THBS4: variants seen among roughly 807,000 people sequenced by gnomAD.
THBS4 encodes thrombospondin 4, also known as thrombospondin-4.
THBS4 carries 90 observed loss-of-function variants against 115.7 expected under a neutral mutation model. The ratio of observed to expected loss-of-function variants is 0.78; its 90% CI spans 0.66 to 0.93. The LOEUF (loss-of-function observed/expected upper bound fraction) is 0.93, where lower values mean the gene tolerates loss of function less well. THBS4 is among the 40% of genes least tolerant of loss of function. The pLI is 0.00. For missense variants in THBS4, 1,087 were observed against 1,232.7 expected, an observed-to-expected ratio of 0.88 and a Z score of 1.77; for synonymous variants, 460 against 479.3, an observed-to-expected ratio of 0.96 and a Z score of 0.53.
chr5:80,061,755 T>C lies in THBS4; in HGVS notation c.1048T>C (p.Cys350Arg), dbSNP rs1305515154. 1 of 1,614,136 alleles carries C rather than the reference T, an allele frequency of 6.2e-7. No individual in the cohort carries two copies. Among genetic ancestry groups the C allele is most frequent in the East Asian group, 2.2e-5 (1 of 44,872 alleles). ...CATAAATTTGTCTCCTGGCTTCAGATGTGACGCCTGCCCAGTGGGCTTCAC... is the reference window on the plus strand; with the variant it reads ...CATAAATTTGTCTCCTGGCTTCAGACGTGACGCCTGCCCAGTGGGCTTCAC... ...HCINLSPGFRCDACPVGFTGP... is the reference protein window; with the variant it reads ...HCINLSPGFRRDACPVGFTGP... Residue 350 changes from cysteine (C) to arginine (R), a missense_variant, in exon 8 of 22, where the codon TGT (cysteine) becomes CGT (arginine). By Grantham distance (180) the Cys-to-Arg change is radical (BLOSUM62 -3). Around this residue, in one of 3 missense-constraint regions of THBS4, gnomAD observed 979 missense variants for 1,103.7 expected, o/e 0.89. Transcript: ENST00000350881.
intron 7 of THBS4, among the ~76,000 whole-genome samples, chr5:80,060,183 T>C (rs1029863592): frequency 6.6e-6 from 1 of 152,228 alleles, no homozygotes; most frequent in African/African-American, 2.4e-5. Flanking sequence ...GACATTTGCA[T>C]TGGTTATTTC....
chr5:80,059,898 T>C lies in THBS4; in HGVS notation c.980T>C (p.Val327Ala), dbSNP rs765526945. 3.7e-6 allele frequency: 6 copies of C among 1,613,656 alleles called. No homozygotes were observed. The African/African-American group carries it at 5.3e-5, about 14-fold the overall frequency. ...GGAAACGGGATCACCTGTATTGATG[T>C]TGATGAGGTAAAAGTTCACTTAGAC... ...YTGNGITCID[V>A]DECKYHPCYP... Residue 327 changes from valine to alanine, a missense_variant, in exon 7 of 22, where the codon GTT becomes GCT. By Grantham distance (64) the Val-to-Ala change is moderately conservative (BLOSUM62 0). Transcript: ENST00000350881.
intron 2 of THBS4, among the ~76,000 whole-genome samples, chr5:80,020,333 G>T (rs1832338416): frequency 6.6e-6 from 1 of 152,224 alleles, no homozygotes; most frequent in South Asian, 2.1e-4. Context: ...AATTAGCCAG[G>T]CGTGGTGGCA....
intron 2 of THBS4, among the ~76,000 whole-genome samples, chr5:80,008,446 ACT>A (rs1832059223): frequency 2.0e-5 from 3 of 151,944 alleles, no homozygotes; most frequent in South Asian, 4.2e-4. Flanking sequence ...ATGGAGTCTC[ACT>A]CTGTCGCCCA....
chr5:80,042,518 G>A (rs539925562), intron 2 of THBS4, among the ~76,000 whole-genome samples: 9 of 152,208 alleles, frequency 5.9e-5, no homozygotes, highest in African/African-American at 1.9e-4. Context: ...ATTGTGGAAA[G>A]TCTGTTGCTG....
intron 17 of THBS4, 137 bp from the exon 18 acceptor site, chr5:80,078,784 A>G (rs1218975842): frequency 1.4e-6 from 1 of 700,298 alleles, no homozygotes; most frequent in Non-Finnish European, 2.3e-6. Context: ...TAGAGCAACT[A>G]TTTCAGATAA....
chr5:80,026,592 A>G (rs578186046), intron 2 of THBS4, among the ~76,000 whole-genome samples: 3 of 152,368 alleles, frequency 2.0e-5, no homozygotes, highest in African/African-American at 7.2e-5. Context: ...AAAAATGGAC[A>G]CAGCATTGCT....
At chr5:80,063,720 C>T (rs1833717061) in intron 8 of THBS4, among the ~76,000 whole-genome samples, 1 of 152,190 alleles carries the variant, frequency 6.6e-6, no homozygotes, top group African/African-American at 2.4e-5. Context: ...ACCAAGGAAA[C>T]ATAAGGTACT....
chr5:80,058,423 C>A (rs1833505412), intron 4 of THBS4, 109 bp downstream of exon 4: 3 of 745,474 alleles, frequency 4.0e-6, no homozygotes, highest in Non-Finnish European at 4.4e-6. Flanking sequence ...AGCAGCCCAA[C>A]AAAACGTATC....
At chr5:80,070,020 G>C (rs781026038) in intron 10 of THBS4, among the ~76,000 whole-genome samples, 25 of 152,164 alleles carry the variant, frequency 1.6e-4, no homozygotes, top group Non-Finnish European at 2.9e-4. Flanking sequence ...AGTTCCCTGT[G>C]ACCTTCTGGG....
intron 15 of THBS4, among the ~76,000 whole-genome samples, chr5:80,073,663 C>T (rs906173819): frequency 2.0e-5 from 3 of 151,824 alleles, no homozygotes; most frequent in South Asian, 2.1e-4. Context: ...GGATTACAGG[C>T]GTGAGCCACT....
At chr5:80,067,915 T>C (rs1833890177) in intron 9 of THBS4, 58 bp from the exon 10 acceptor site, 2 of 1,588,594 alleles carry the variant, frequency 1.3e-6, no homozygotes, top group Non-Finnish European at 1.7e-6. Flanking sequence ...GTACCTTTGC[T>C]CAAACTGTAC....
chr5:80,013,738 C>T (rs991048697), intron 2 of THBS4, among the ~76,000 whole-genome samples: 4 of 152,128 alleles, frequency 2.6e-5, no homozygotes, highest in African/African-American at 2.4e-5. Context: ...GAGTCTGTAT[C>T]CCCTCTAAGA....
chr5:80,045,079 A>C (rs1833019813), intron 2 of THBS4, among the ~76,000 whole-genome samples: 1 of 152,236 alleles, frequency 6.6e-6, no homozygotes, highest in Admixed American at 6.5e-5. Flanking sequence ...TGAATTATAT[A>C]AGGTATAATA....
rs1229218810 is a variant in THBS4, at chr5:80,035,491, C to T, written c.-47C>T. 94 of 1,273,552 alleles carry T rather than the reference C, an allele frequency of 7.4e-5. No individual in the cohort carries two copies. The highest frequency in any genetic ancestry group is 9.2e-5 in the Non-Finnish European group (93 of 1,005,956). The allele number at this position is 1,273,552 out of a possible 1,614,324, so 78.9% of individuals were successfully genotyped here. On this transcript the variant is annotated 5_prime_UTR_variant, in exon 1 of 22. Transcript: ENST00000350881. This position sits in a 1 kb window ranked among gnomAD's most constrained non-coding sequence, Gnocchi z 4.6. ...CGGCCCGGGGACCCCCAGGCGGGGC[C>T]AACGCCGCCGTCGCCCCCGGCCTCG...
At chr5:80,076,547 CTGAGT>C (rs1187959999) in intron 15 of THBS4, among the ~76,000 whole-genome samples, 2 of 152,298 alleles carry the variant, frequency 1.3e-5, no homozygotes, top group East Asian at 3.9e-4. Context: ...CACACATCCT[CTGAGT>C]TGAGTATCAT....
intron 2 of THBS4, among the ~76,000 whole-genome samples, chr5:80,046,193 A>G (rs563417530): frequency 5.0e-4 from 76 of 152,358 alleles, no homozygotes; most frequent in African/African-American, 1.8e-3. Flanking sequence ...TTTCTGTCTT[A>G]CCCATCAAGG....
At chr5:80,060,964 G>C (rs924912792) in intron 7 of THBS4, among the ~76,000 whole-genome samples, 8 of 152,140 alleles carry the variant, frequency 5.3e-5, no homozygotes, top group Non-Finnish European at 8.8e-5. Context: ...GCAGGCCCAT[G>C]GTAATGTTAG....
chr5:80,042,379 A>G (rs1251224262), intron 2 of THBS4, among the ~76,000 whole-genome samples: 1 of 152,222 alleles, frequency 6.6e-6, no homozygotes, highest in Non-Finnish European at 1.5e-5. Context: ...GAGGCATTGC[A>G]AAGATTTTTC....
Sources: allele counts gnomAD v4.1 joint callset (sites outside exome capture counted in the v4.1 genomes callset), GRCh38; gene constraint gnomAD v4.1.1; regional missense constraint gnomAD v4.1.1; non-coding constraint Gnocchi (gnomAD v3.1); transcripts MANE v1.5; gene names NCBI Gene and HGNC (gene_info 2026-07-23, HGNC 2026-07-21).